The following ZNF420 variants were observed in gnomAD, a reference collection of about 807,000 sequenced individuals.
ZNF420 encodes the protein ATM and p53-associated KZNF protein.
A neutral mutation model predicts 44.7 loss-of-function variants in ZNF420; 31 were observed. The observed-to-expected ratio is 0.69, with a 90% CI of 0.52 to 0.94. The LOEUF (loss-of-function observed/expected upper bound fraction) is 0.94. ZNF420 is among the 40% of genes least tolerant of loss of function. ZNF420 has a pLI of 0.00. For synonymous variants in ZNF420, 245 were observed against 267.4 expected, an observed-to-expected ratio of 0.92 and a Z score of 0.82; for missense variants, 681 against 827.9, an observed-to-expected ratio of 0.82 and a Z score of 2.18.
intron 4 of ZNF420, among the ~76,000 whole-genome samples, chr19:37,103,753 C>G (rs113558524): frequency 0.017 from 2,591 of 152,162 alleles, 80 homozygotes; most frequent in African/African-American, 0.059. Flanking sequence ...AGCAATTGCC[C>G]TTTGTCTCTT....
intron 1 of ZNF420, among the ~76,000 whole-genome samples, chr19:37,028,668 TG>T (rs1967194921): frequency 6.6e-6 from 1 of 152,332 alleles, no homozygotes; most frequent in African/African-American, 2.4e-5. Flanking sequence ...TGGGCCACAC[TG>T]GGTTCATAAT....
At chr19:37,023,044 A>G (rs1260629766) in intron 1 of ZNF420, among the ~76,000 whole-genome samples, 12 of 152,160 alleles carry the variant, frequency 7.9e-5, no homozygotes, top group Non-Finnish European at 1.5e-4. Context: ...AGACTAAGGC[A>G]GGAGAATCAC....
chr19:37,051,403 T>C (rs1248553570), intron 1 of ZNF420, among the ~76,000 whole-genome samples: 1 of 152,192 alleles, frequency 6.6e-6, no homozygotes, highest in Non-Finnish European at 1.5e-5. Context: ...TCAGATCCTG[T>C]TATTGGTCTA....
chr19:37,055,057 T>G (rs1967715309), intron 1 of ZNF420, among the ~76,000 whole-genome samples: 1 of 152,094 alleles, frequency 6.6e-6, no homozygotes, highest in South Asian at 2.1e-4. Context: ...GGGACTAATA[T>G]CTGCTTATTT....
chr19:37,097,462 G>C (rs1362813355), intron 4 of ZNF420, among the ~76,000 whole-genome samples: 1 of 151,998 alleles, frequency 6.6e-6, no homozygotes, highest in Non-Finnish European at 1.5e-5. Flanking sequence ...ACTAAATTCA[G>C]TAGGACCCTG....
intron 1 of ZNF420, among the ~76,000 whole-genome samples, chr19:37,050,971 G>C (rs1967629284): frequency 6.6e-6 from 1 of 152,184 alleles, no homozygotes; most frequent in South Asian, 2.1e-4. Context: ...TGCATCTATT[G>C]AGATAATCAT....
rs375806322 is a variant in ZNF420, at chr19:37,127,911, A to G, written c.920A>G (p.Tyr307Cys). The G allele has an allele frequency of 5.0e-6, 8 of 1,614,010 alleles. No homozygotes were observed. Among genetic ancestry groups the G allele is most frequent in the Admixed American group, 1.7e-5 (1 of 60,002 alleles). The change falls in exon 5 of 5, where the codon TAT becomes TGT. Residue 307 changes from tyrosine (Y) to cysteine (C), a missense_variant. Coordinates refer to ENST00000337995, the MANE Select transcript of ZNF420 (RefSeq NM_144689.5). Reference sequence around the variant, plus strand: ...AGAATTCATACCGGTGAGAAACCCTATGAATGTAAGGAATGTGGAAAAGCT... The same window carrying G: ...AGAATTCATACCGGTGAGAAACCCTGTGAATGTAAGGAATGTGGAAAAGCT... ...HKRIHTGEKPYECKECGKAFI... is the reference protein window; with the variant it reads ...HKRIHTGEKPCECKECGKAFI...
chr19:37,116,606 G>A lies in ZNF420; in HGVS notation c.137-10522G>A, dbSNP rs1393318140. On this transcript the variant is annotated intron_variant, in intron 4 of 4. Coordinates refer to ENST00000337995, the MANE Select transcript of ZNF420 (RefSeq NM_144689.5). ...CACTAGGGAGTGCCAGACAGTGGGTGCAGGACAGTGGGTGCAGCACACTGT... is the reference window on the plus strand; with the variant it reads ...CACTAGGGAGTGCCAGACAGTGGGTACAGGACAGTGGGTGCAGCACACTGT... Among the ~76,000 whole-genome samples the A allele has an allele frequency of 2.0e-5, 3 of 152,070 alleles. No homozygotes were observed. In the East Asian group the frequency reaches 5.8e-4, roughly 29 times the overall value.
In ZNF420 at chr19:37,050,619, G is replaced by A. The variant is rs145849073; in HGVS notation, c.-124-29726G>A. Among the ~76,000 whole-genome samples the A allele has an allele frequency of 6.2e-3, 937 of 152,312 alleles. 27 individuals carry two copies. The highest frequency in any genetic ancestry group is 0.049 in the East Asian group (257 of 5,192). On this transcript the variant is annotated intron_variant, in intron 1 of 4. Coordinates refer to the ZNF420 transcript ENST00000587029. ...TCAGCTTAAGGAGATTTTGGGCTGA[G>A]ACAATGGGGTTTTCTAGATACACAG... is the stretch of plus-strand genomic sequence containing the variant.
chr19:37,064,090 C>T (rs1011523066), intron 1 of ZNF420, among the ~76,000 whole-genome samples: 30 of 152,162 alleles, frequency 2.0e-4, no homozygotes, highest in African/African-American at 7.0e-4. Context: ...ATGCATGCTC[C>T]TATCAGGGGC....
At chr19:37,031,146 T>G (rs991468630) in intron 1 of ZNF420, among the ~76,000 whole-genome samples, 1 of 152,168 alleles carries the variant, frequency 6.6e-6, no homozygotes, top group Non-Finnish European at 1.5e-5. Flanking sequence ...TGAGCCACCA[T>G]GCTTGGCTGC....
chr19:37,121,616 C>T (rs992294288), intron 4 of ZNF420, among the ~76,000 whole-genome samples: 42 of 152,206 alleles, frequency 2.8e-4, no homozygotes, highest in African/African-American at 9.9e-4. Context: ...AAAGCCAAAA[C>T]TGACAAATGG....
At chr19:37,061,680 AC>A (rs1209608927) in intron 1 of ZNF420, among the ~76,000 whole-genome samples, 4 of 152,270 alleles carry the variant, frequency 2.6e-5, no homozygotes, top group Non-Finnish European at 5.9e-5. Context: ...GCAGATTTTA[AC>A]TTTGCCTCTC....
In ZNF420 at chr19:37,128,363, C is replaced by T. The variant is rs187475418; in HGVS notation, c.1372C>T (p.Arg458Cys). 35 of 1,613,982 alleles carry T rather than the reference C, an allele frequency of 2.2e-5. No homozygotes were observed. In the Admixed American group the frequency reaches 3.5e-4, roughly 16 times the overall value. ...TAAAGAATGTGGAAAAACCTTTAGT[C>T]GTGGCTCAGAACTTACTCAACATGA... Reference protein sequence around the residue: ...ECKECGKTFSRGSELTQHERI... With the variant: ...ECKECGKTFSCGSELTQHERI... Residue 458 changes from arginine to cysteine, a missense_variant, in exon 5 of 5, where the codon CGT becomes TGT. This residue lies in a region of ZNF420 where 280 missense variants were observed against 338.6 expected (regional missense o/e 0.83). Transcript: ENST00000337995.
At chr19:37,088,839 G>A (rs558875376) in intron 2 of ZNF420, among the ~76,000 whole-genome samples, 200 bp from the exon 3 acceptor site, 5 of 152,268 alleles carry the variant, frequency 3.3e-5, no homozygotes, top group Admixed American at 6.5e-5. Context: ...AAGTAGTAGA[G>A]ACATTGTTAT....
At chr19:37,009,513 G>A (rs1266908906) in intron 1 of ZNF420, among the ~76,000 whole-genome samples, 1 of 152,164 alleles carries the variant, frequency 6.6e-6, no homozygotes, top group Non-Finnish European at 1.5e-5. Flanking sequence ...TGCTCTGGGG[G>A]ACGCCAGTGC....
chr19:37,052,075 G>C (rs1967649092), intron 1 of ZNF420, among the ~76,000 whole-genome samples: 1 of 152,134 alleles, frequency 6.6e-6, no homozygotes, highest in Non-Finnish European at 1.5e-5. Flanking sequence ...ATTTAGGATA[G>C]TTAGCTCTTC....
At chr19:37,102,625 T>C (rs1331228790) in intron 4 of ZNF420, among the ~76,000 whole-genome samples, 2 of 152,202 alleles carry the variant, frequency 1.3e-5, no homozygotes, top group East Asian at 3.9e-4. Flanking sequence ...CAGTCTGCAC[T>C]CTCAAAATGA....
chr19:37,089,048 C>T lies in ZNF420; in HGVS notation c.-71C>T. ...GCTTTCTCCTCCGTAGCTCTGCATT[C>T]TCCAGACTCTGTGCTTTCCTAAGAT... On this transcript the variant is annotated 5_prime_UTR_variant, in exon 3 of 5. Coordinates refer to ENST00000337995, the MANE Select transcript of ZNF420 (RefSeq NM_144689.5). 7.0e-7 allele frequency: 1 copy of T among 1,424,540 alleles called. No homozygotes were observed. Among genetic ancestry groups the T allele is most frequent in the Non-Finnish European group, 9.9e-7 (1 of 1,007,040 alleles). 88.2% of individuals were successfully genotyped at this position (1,424,540 alleles called of 1,614,324 possible).
Sources: allele counts gnomAD v4.1 joint callset (sites outside exome capture counted in the v4.1 genomes callset), GRCh38; gene constraint gnomAD v4.1.1; regional missense constraint gnomAD v4.1.1; transcripts MANE v1.5; gene names NCBI Gene and HGNC (gene_info 2026-07-23, HGNC 2026-07-21).